The following NRXN3 variants were observed in gnomAD, a reference collection of about 807,000 sequenced individuals.
NRXN3 encodes the protein neurexin III.
NRXN3 carries 32 observed loss-of-function variants against 137.6 expected under a neutral mutation model. The ratio of observed to expected loss-of-function variants is 0.23; its 90% confidence interval spans 0.18 to 0.31. The LOEUF (loss-of-function observed/expected upper bound fraction) is 0.31. Among genes scored for constraint, NRXN3 ranks in the 10% least tolerant of loss-of-function variants. The pLI, the probability that NRXN3 is intolerant of heterozygous loss-of-function variation, is 1.00. For missense variants in NRXN3, 1,574 were observed against 2,062.5 expected (o/e 0.76, Z 4.59); for synonymous variants, 798 against 784.5 (o/e 1.02, Z -0.29).
At chr14:79,490,136 C>G (rs2096702047) in intron 16 of NRXN3, among the ~76,000 whole-genome samples, 1 of 148,064 alleles carries the variant, frequency 6.8e-6, no homozygotes. Flanking sequence ...AGAATAAAAA[C>G]AGGCTTATAC....
intron 15 of NRXN3, among the ~76,000 whole-genome samples, chr14:79,032,932 ATTAG>A (rs1409203569): frequency 1.3e-5 from 2 of 152,156 alleles, no homozygotes; most frequent in South Asian, 2.1e-4. Flanking sequence ...AGTAGGAAAA[ATTAG>A]TTAATACCAG....
intron 15 of NRXN3, among the ~76,000 whole-genome samples, chr14:79,450,504 T>G (rs1386627310): frequency 6.6e-6 from 1 of 152,138 alleles, no homozygotes; most frequent in Non-Finnish European, 1.5e-5. Context: ...TCATTCCACA[T>G]AGTTTACATA....
intron 15 of NRXN3, among the ~76,000 whole-genome samples, chr14:79,294,915 A>T (rs1566703341): frequency 6.6e-6 from 1 of 151,974 alleles, no homozygotes; most frequent in Non-Finnish European, 1.5e-5. Flanking sequence ...CAACCATATC[A>T]CCTAAACAGT....
chr14:78,410,831 G>T (rs1368209344), intron 4 of NRXN3, among the ~76,000 whole-genome samples: 1 of 152,232 alleles, frequency 6.6e-6, no homozygotes, highest in Non-Finnish European at 1.5e-5. Context: ...TAGAAGGGGA[G>T]TCAGGATTAG....
At chr14:79,346,142 G>A (rs1425903149) in intron 15 of NRXN3, among the ~76,000 whole-genome samples, 1 of 152,116 alleles carries the variant, frequency 6.6e-6, no homozygotes, top group East Asian at 1.9e-4. Context: ...CACAGCGGCT[G>A]GGCACAGTGG....
chr14:79,060,577 C>A (rs1414529388), intron 15 of NRXN3, among the ~76,000 whole-genome samples: 1 of 151,938 alleles, frequency 6.6e-6, no homozygotes, highest in Non-Finnish European at 1.5e-5. Flanking sequence ...GAAATCCCAC[C>A]ATCAAAAGAG....
At chr14:79,727,496 A>C (rs1322970732) in intron 19 of NRXN3, among the ~76,000 whole-genome samples, 4 of 152,152 alleles carry the variant, frequency 2.6e-5, no homozygotes, top group African/African-American at 7.2e-5. Flanking sequence ...TTCAGGGTAG[A>C]AGGAGAGTTT....
In NRXN3 at chr14:79,398,871, A is replaced by G. The variant is rs551602217; in HGVS notation, c.3263-68350A>G. Among the ~76,000 whole-genome samples, 192 of 152,064 alleles carry G rather than the reference A, an allele frequency of 1.3e-3. 1 individual carries two copies. Among genetic ancestry groups the G allele is most frequent in the African/African-American group, 4.3e-3 (178 of 41,504 alleles). ...CTAAAAATACAAAAATTAGTCAGGC[A>G]TGGTGGTACATGCCTGTAGTCCCAG... On this transcript the variant is annotated intron_variant, in intron 15 of 20. Transcript: ENST00000335750.
chr14:78,862,286 G>A (rs899138415), intron 10 of NRXN3, among the ~76,000 whole-genome samples: 2 of 135,798 alleles, frequency 1.5e-5, no homozygotes, highest in African/African-American at 3.4e-5. Flanking sequence ...ATAGATAGAT[G>A]GAAAAAGCCC....
intron 19 of NRXN3, among the ~76,000 whole-genome samples, chr14:79,749,575 T>C (rs960093183): frequency 1.1e-4 from 16 of 151,996 alleles, no homozygotes; most frequent in Non-Finnish European, 1.9e-4. Context: ...CCTGGTTTTT[T>C]AACATGCTAT....
intron 15 of NRXN3, among the ~76,000 whole-genome samples, chr14:79,226,814 C>CTTTTT (rs3035642): frequency 1.0e-5 from 1 of 98,476 alleles, no homozygotes; most frequent in Admixed American, 1.0e-4. Context: ...TCCTTTTTTT[C>CTTTTT]TTTTTTTTTT....
intron 15 of NRXN3, among the ~76,000 whole-genome samples, chr14:79,338,824 T>C (rs765518462): frequency 6.6e-6 from 1 of 152,212 alleles, no homozygotes; most frequent in Non-Finnish European, 1.5e-5. Context: ...CAGCTGGAGA[T>C]CTAAGATAAC....
chr14:79,252,025 T>G (rs1568790872), intron 15 of NRXN3, among the ~76,000 whole-genome samples: 1 of 152,120 alleles, frequency 6.6e-6, no homozygotes, highest in African/African-American at 2.4e-5. Context: ...CTTCCCCAGG[T>G]TACATTTTTC....
chr14:78,662,627 G>C (rs1325332440), intron 6 of NRXN3, among the ~76,000 whole-genome samples: 1 of 152,102 alleles, frequency 6.6e-6, no homozygotes, highest in African/African-American at 2.4e-5. Context: ...TAGATCTATA[G>C]ATAGATTGAT....
intron 15 of NRXN3, among the ~76,000 whole-genome samples, chr14:79,059,013 G>T (rs990940710): frequency 6.6e-6 from 1 of 152,032 alleles, no homozygotes; most frequent in Admixed American, 6.6e-5. Context: ...TATCTTCATA[G>T]CAGTGTGAAA....
In NRXN3 at chr14:78,774,090, G is replaced by A. The variant is rs559020952; in HGVS notation, c.2045-29530G>A. ...GCTGGGATTACAGGCATGAGCCACCGCGCCCGGCCACTTATTTTCTTATTT... is the reference window on the plus strand; with the variant it reads ...GCTGGGATTACAGGCATGAGCCACCACGCCCGGCCACTTATTTTCTTATTT... On this transcript the variant is annotated intron_variant, in intron 8 of 20. Coordinates refer to ENST00000335750, the MANE Select transcript of NRXN3 (RefSeq NM_001330195.2). 1.1e-3 allele frequency among the ~76,000 whole-genome samples: 168 copies of A among 152,046 alleles called. 1 individual carries two copies. Among genetic ancestry groups the A allele is most frequent in the African/African-American group, 3.8e-3 (156 of 41,430 alleles).
chr14:78,712,852 C>T (rs2098415822), intron 7 of NRXN3, among the ~76,000 whole-genome samples: 1 of 152,206 alleles, frequency 6.6e-6, no homozygotes, highest in African/African-American at 2.4e-5. Flanking sequence ...CGTGAGCCAC[C>T]ACACCCAGCC....
At chr14:78,538,262 A>G (rs10139138) in intron 4 of NRXN3, among the ~76,000 whole-genome samples, 5,354 of 152,292 alleles carry the variant, frequency 0.035, 113 homozygotes, top group African/African-American at 0.039. Context: ...ATGTACTTCC[A>G]TTTGTTTGTA....
chr14:79,833,239 A>G lies in NRXN3; in HGVS notation c.4093+28049A>G, dbSNP rs144846831. Among the ~76,000 whole-genome samples the G allele has an allele frequency of 1.4e-3, 207 of 152,250 alleles. 1 individual carries two copies. The highest frequency in any genetic ancestry group is 2.6e-3 in the Non-Finnish European group (176 of 68,004). ...ACTACACAATATCTACGCACATTAT[A>G]TTAGAATAAAACATGTTTTACATTG... On this transcript the variant is annotated intron_variant, in intron 20 of 20. Transcript: ENST00000335750.
Sources: gnomAD v4.1 joint callset for allele counts (sites outside exome capture counted in the v4.1 genomes callset) on GRCh38, gnomAD v4.1.1 for gene constraint, MANE v1.5 for transcripts, NCBI Gene and HGNC (gene_info 2026-07-23, HGNC 2026-07-21) for gene names.